The following USH2A variants were observed in gnomAD, a reference collection of about 807,000 sequenced individuals.
USH2A encodes the protein Usher syndrome 2A (autosomal recessive, mild).
USH2A carries 443 observed loss-of-function variants against 538.9 expected under a neutral mutation model. The ratio of observed to expected loss-of-function variants is 0.82; its 90% CI spans 0.76 to 0.89. USH2A has a LOEUF of 0.89. Ranked by LOEUF, USH2A falls within the 40% of genes least tolerant of loss-of-function variation. USH2A has a pLI of 0.00. For synonymous variants in USH2A, 2,413 were observed against 2,273.5 expected (o/e 1.06, Z -1.75); for missense variants, 6,633 against 6,324.8 (o/e 1.05, Z -1.65).
intron 34 of USH2A, among the ~76,000 whole-genome samples, chr1:215,993,880 C>T (rs1258355979): frequency 6.6e-6 from 1 of 152,064 alleles, no homozygotes; most frequent in African/African-American, 2.4e-5. Context: ...TCACTAATGT[C>T]AGAAATGGTA....
intron 3 of USH2A, among the ~76,000 whole-genome samples, chr1:216,399,543 G>C (rs1195798898): frequency 1.3e-5 from 2 of 152,048 alleles, no homozygotes; most frequent in African/African-American, 4.8e-5. Flanking sequence ...TCTCACACCT[G>C]GCATCAATGA....
At chr1:216,014,557 G>T (rs144400295) in intron 32 of USH2A, among the ~76,000 whole-genome samples, 1 of 152,220 alleles carries the variant, frequency 6.6e-6, no homozygotes, top group South Asian at 2.1e-4. Context: ...GGTAAATGGA[G>T]GGTGGGGAAA....
Position 215,929,124 on chromosome 1 carries a change from A to G in USH2A, c.7300+5492T>C, listed in dbSNP as rs983276370. ...AAAACATCTTAGGATAAAATTTCAA[A>G]TTACTTGCTTTGGGCTAGCATTAAC... On this transcript the variant is annotated intron_variant, in intron 38 of 71. Coordinates refer to ENST00000307340, the MANE Select transcript of USH2A (RefSeq NM_206933.4). Among the ~76,000 whole-genome samples, 5 of 146,836 alleles carry G rather than the reference A, an allele frequency of 3.4e-5. No homozygotes were observed. The East Asian group carries it at 8.1e-4, about 24-fold the overall frequency.
intron 38 of USH2A, among the ~76,000 whole-genome samples, chr1:215,933,681 G>T (rs1558168634): frequency 6.6e-6 from 1 of 151,872 alleles, no homozygotes. Flanking sequence ...TTCATAACTG[G>T]AAGTGGGGTT....
chr1:216,238,176 G>A lies in USH2A; in HGVS notation c.2810-6040C>T, dbSNP rs191626891. Among the ~76,000 whole-genome samples, 243 of 152,278 alleles carry A rather than the reference G, an allele frequency of 1.6e-3. 2 individuals are homozygous for A. Among genetic ancestry groups the A allele is most frequent in the African/African-American group, 5.7e-3 (236 of 41,560 alleles). ...AGAAAACCAAAAGTAAATACTAGGGGGAAGCAGGAGGCACTGCCCTATTAG... is the reference window on the plus strand; with the variant it reads ...AGAAAACCAAAAGTAAATACTAGGGAGAAGCAGGAGGCACTGCCCTATTAG... On this transcript the variant is annotated intron_variant, in intron 13 of 71. Transcript: ENST00000307340.
At chr1:216,256,406 CTT>C (rs1346572982) in intron 11 of USH2A, among the ~76,000 whole-genome samples, 2 of 143,686 alleles carry the variant, frequency 1.4e-5, no homozygotes, top group African/African-American at 2.6e-5. Context: ...AGTTATAACT[CTT>C]TGTTTTATGA....
In USH2A at chr1:216,078,287, C is replaced by A; in HGVS notation, c.5374G>T (p.Gly1792Trp). 6.2e-7 allele frequency: 1 copy of A among 1,613,604 alleles called. No homozygotes were observed. Reference protein sequence around the residue: ...LAFTQVDLLLGLSYCNGKWNK... With the variant: ...LAFTQVDLLLWLSYCNGKWNK... ...CACTTTCCATTACAATAGGATAGCC[C>A]CAGCAATAGATCCACTTGTGTAAAG... is the stretch of plus-strand genomic sequence containing the variant. Residue 1792 changes from glycine (G) to tryptophan (W), a missense_variant, in exon 27 of 72, where the codon GGG (glycine) becomes TGG (tryptophan). Coordinates refer to ENST00000307340, the MANE Select transcript of USH2A (RefSeq NM_206933.4).
chr1:215,964,239 G>A (rs372187354), intron 37 of USH2A, among the ~76,000 whole-genome samples: 4 of 151,938 alleles, frequency 2.6e-5, no homozygotes, highest in African/African-American at 9.7e-5. Context: ...TTTTCAAATC[G>A]ATCATCACTC....
Position 215,691,715 on chromosome 1 carries a change from C to T in USH2A, c.12067-11339G>A, listed in dbSNP as rs773606341. ...TAAACTCCACAGAGTCAAAGGCCTG[C>T]ATCTACTTCATTCTCTCTAAACCCC... On this transcript the variant is annotated intron_variant, in intron 61 of 71. Coordinates refer to ENST00000307340, the MANE Select transcript of USH2A (RefSeq NM_206933.4). Among the ~76,000 whole-genome samples the T allele has an allele frequency of 3.9e-4, 59 of 152,312 alleles. 1 individual carries two copies. The Middle Eastern group carries it at 0.01, about 26-fold the overall frequency.
chr1:216,129,181 C>T (rs1022039499), intron 21 of USH2A, among the ~76,000 whole-genome samples: 4 of 152,022 alleles, frequency 2.6e-5, no homozygotes, highest in Non-Finnish European at 4.4e-5. Context: ...GACTCCATAT[C>T]TTGGCTATTA....
rs111472818 is a variant in USH2A, at chr1:215,925,166, A to C, written c.7300+9450T>G. Among the ~76,000 whole-genome samples the C allele has an allele frequency of 2.0e-3, 309 of 152,236 alleles. 3 individuals carry two copies. Among genetic ancestry groups the C allele is most frequent in the African/African-American group, 5.9e-3 (247 of 41,568 alleles). On this transcript the variant is annotated intron_variant, in intron 38 of 71. Transcript: ENST00000307340. ...ACACACACACAAAGCAGGTTAAACT[A>C]TCAATTCCAAAAAAGTAAAGGTAAC... is the stretch of plus-strand genomic sequence containing the variant.
chr1:216,090,019 A>C (rs959240986), intron 22 of USH2A, among the ~76,000 whole-genome samples: 1 of 152,022 alleles, frequency 6.6e-6, no homozygotes, highest in Non-Finnish European at 1.5e-5. Context: ...TAAAAATAAA[A>C]AAGAAATTAC....
At chr1:216,281,515 A>G (rs2036775392) in intron 11 of USH2A, among the ~76,000 whole-genome samples, 1 of 152,116 alleles carries the variant, frequency 6.6e-6, no homozygotes, top group South Asian at 2.1e-4. Context: ...CCCTACTCTA[A>G]TTTCTGAGAC....
rs1251749747 is a variant in USH2A, at chr1:215,624,613, A to G, written c.*1168T>C. The G allele has an allele frequency of 6.6e-6, 1 of 152,168 alleles. No homozygotes were observed. The highest frequency in any genetic ancestry group is 1.5e-5 in the Non-Finnish European group (1 of 68,018). The allele number at this position is 152,168 out of a possible 1,614,324, so 9.4% of individuals were successfully genotyped here. A position where few individuals can be genotyped will look rare whatever the true frequency, so the allele number is the denominator to read the frequency against. On this transcript the variant is annotated 3_prime_UTR_variant, in exon 72 of 72. Coordinates refer to ENST00000307340, the MANE Select transcript of USH2A (RefSeq NM_206933.4). ...TTTGCAAGAAAATTTTTCTTGCCATAGGACTTTCACCAATGACTTTGTAAT... is the reference window on the plus strand; with the variant it reads ...TTTGCAAGAAAATTTTTCTTGCCATGGGACTTTCACCAATGACTTTGTAAT...
Position 216,307,971 on chromosome 1 carries a change from G to A in USH2A, c.1644+13912C>T, listed in dbSNP as rs549108044. Among the ~76,000 whole-genome samples the A allele has an allele frequency of 4.6e-5, 7 of 152,210 alleles. No individual in the cohort carries two copies. The East Asian group carries it at 1.4e-3, about 29-fold the overall frequency. ...CAGCAGCAATCTATTTCCTTCAAAG[G>A]ATCTGTGGATTCTCGTGGCTTTCCT... is the stretch of plus-strand genomic sequence containing the variant. On this transcript the variant is annotated intron_variant, in intron 9 of 71. Coordinates refer to ENST00000307340, the MANE Select transcript of USH2A (RefSeq NM_206933.4).
intron 37 of USH2A, among the ~76,000 whole-genome samples, chr1:215,957,941 T>C (rs1466401191): frequency 6.6e-6 from 1 of 152,152 alleles, no homozygotes; most frequent in Non-Finnish European, 1.5e-5. Context: ...GTGTCAGATA[T>C]ACTGCATGGG....
At chr1:216,393,667 C>G (rs561309681) in intron 3 of USH2A, among the ~76,000 whole-genome samples, 1 of 152,252 alleles carries the variant, frequency 6.6e-6, no homozygotes, top group South Asian at 2.1e-4. Flanking sequence ...TCTTCTCATG[C>G]TATACTCCAC....
At chr1:215,695,852 G>T (rs1658793658) in intron 61 of USH2A, among the ~76,000 whole-genome samples, 1 of 152,122 alleles carries the variant, frequency 6.6e-6, no homozygotes, top group African/African-American at 2.4e-5. Flanking sequence ...CTGGGTTCAA[G>T]GGATTCTCCT....
intron 4 of USH2A, among the ~76,000 whole-genome samples, chr1:216,332,503 T>C (rs964277454): frequency 1.3e-5 from 2 of 152,150 alleles, no homozygotes; most frequent in African/African-American, 2.4e-5. Flanking sequence ...CTCAGGTATA[T>C]GCGCATGCTA....
Sources: gnomAD v4.1 joint callset for allele counts (sites outside exome capture counted in the v4.1 genomes callset) on GRCh38, gnomAD v4.1.1 for gene constraint, MANE v1.5 for transcripts, NCBI Gene and HGNC (gene_info 2026-07-23, HGNC 2026-07-21) for gene names.